The following AGMO variants were observed in gnomAD, a reference collection of about 807,000 sequenced individuals.
AGMO encodes the protein glyceryl-ether monooxygenase.
Under a neutral mutation model 60.2 loss-of-function variants are expected in AGMO, and 75 were observed. The observed-to-expected ratio is 1.25, with a 90% CI of 1.03 to 1.51. The LOEUF (loss-of-function observed/expected upper bound fraction) is 1.51. Ranked by LOEUF, AGMO falls within the 40% of genes most tolerant of loss-of-function variation. AGMO has a pLI of 0.00. For missense variants in AGMO, 763 were observed against 525.5 expected (o/e 1.45, Z -4.42); for synonymous variants, 261 against 177.1 (o/e 1.47, Z -3.76).
chr7:15,430,988 C>A lies in AGMO; in HGVS notation c.513+17G>T. ...ACAAATTAGATTACCATGTTTATTC[C>A]ATTTCATACAACTTACCCAGGAAGT... On this transcript the variant is annotated intron_variant, in intron 4 of 12. Coordinates refer to ENST00000342526, the MANE Select transcript of AGMO (RefSeq NM_001004320.2). 7.2e-7 allele frequency: 1 copy of A among 1,395,724 alleles called. No homozygotes were observed. Among genetic ancestry groups the A allele is most frequent in the Non-Finnish European group, 9.8e-7 (1 of 1,017,640 alleles). 86.5% of individuals were successfully genotyped at this position (1,395,724 alleles called of 1,614,324 possible). A position where few individuals can be genotyped will look rare whatever the true frequency, so the allele number is the denominator to read the frequency against.
chr7:15,212,537 T>C (rs1341576063), intron 12 of AGMO, among the ~76,000 whole-genome samples: 1 of 151,884 alleles, frequency 6.6e-6, no homozygotes, highest in African/African-American at 2.4e-5. Context: ...TGTCATTCAA[T>C]GAAAAAAGAA....
intron 3 of AGMO, among the ~76,000 whole-genome samples, chr7:15,493,318 G>A (rs1416107389): frequency 1.6e-5 from 2 of 128,178 alleles, no homozygotes; most frequent in South Asian, 2.4e-4. Context: ...GGACACACAC[G>A]CGCACAAACA....
the AGMO span, among the ~76,000 whole-genome samples, chr7:15,129,181 G>A: frequency 1.3e-5 from 2 of 152,198 alleles, no homozygotes; most frequent in Non-Finnish European, 2.9e-5. Flanking sequence ...TGCTACATAA[G>A]TGTGGTTTGA....
intron 10 of AGMO, among the ~76,000 whole-genome samples, chr7:15,372,640 A>G (rs1469485261): frequency 6.6e-6 from 1 of 152,194 alleles, no homozygotes. Flanking sequence ...AAAAGAAAAA[A>G]AAATAGAATT....
intron 12 of AGMO, among the ~76,000 whole-genome samples, chr7:15,354,444 A>ACG (rs1782416738): frequency 6.2e-4 from 10 of 16,144 alleles, no homozygotes; most frequent in Non-Finnish European, 9.1e-4. Context: ...GTGTATACAC[A>ACG]CGTGTGTGTA....
At chr7:15,372,410 C>T (rs1783256730) in intron 10 of AGMO, among the ~76,000 whole-genome samples, 1 of 152,156 alleles carries the variant, frequency 6.6e-6, no homozygotes, top group Non-Finnish European at 1.5e-5. Context: ...GAGGCAAGAT[C>T]ATGCCATTGC....
chr7:15,461,343 C>A (rs943957199), intron 3 of AGMO, among the ~76,000 whole-genome samples: 5 of 150,232 alleles, frequency 3.3e-5, no homozygotes, highest in Admixed American at 6.6e-5. Flanking sequence ...AAAAAAAAAA[C>A]CATGATAAAT....
intron 2 of AGMO, among the ~76,000 whole-genome samples, chr7:15,548,838 A>G (rs1361815560): frequency 6.6e-6 from 1 of 152,108 alleles, no homozygotes; most frequent in African/African-American, 2.4e-5. Context: ...ACTCCTCGAG[A>G]AGGGCAACTC....
At chr7:15,263,320 G>GA (rs1162557063) in intron 12 of AGMO, among the ~76,000 whole-genome samples, 4 of 151,210 alleles carry the variant, frequency 2.6e-5, no homozygotes, top group East Asian at 3.9e-4. Flanking sequence ...CAAACATATA[G>GA]AAAAAAAATG....
intron 3 of AGMO, among the ~76,000 whole-genome samples, chr7:15,474,956 G>A (rs1192533461): frequency 2.6e-5 from 4 of 151,962 alleles, no homozygotes. Flanking sequence ...CATCATCCCT[G>A]GTCATTAGAA....
At chr7:15,242,312 A>G (rs1449284376) in intron 12 of AGMO, among the ~76,000 whole-genome samples, 2 of 152,212 alleles carry the variant, frequency 1.3e-5, no homozygotes, top group African/African-American at 4.8e-5. Flanking sequence ...AAGATCATCT[A>G]GTTAATGGAT....
chr7:15,292,606 TAA>T (rs1343802319), intron 12 of AGMO, among the ~76,000 whole-genome samples: 1 of 152,062 alleles, frequency 6.6e-6, no homozygotes, highest in African/African-American at 2.4e-5. Context: ...CACTTGTTTA[TAA>T]AATATTATTT....
chr7:15,450,970 CTGT>C, intron 3 of AGMO, among the ~76,000 whole-genome samples: 1 of 152,144 alleles, frequency 6.6e-6, no homozygotes, highest in East Asian at 1.9e-4. Flanking sequence ...ATTATGCTAA[CTGT>C]TGTTAATGAT....
chr7:15,241,227 G>A (rs192093106), intron 12 of AGMO, among the ~76,000 whole-genome samples: 2,260 of 151,820 alleles, frequency 0.015, 68 homozygotes, highest in African/African-American at 0.053. Context: ...TTGGGAGGCC[G>A]AGGCGGGCGG....
chr7:15,451,698 G>A (rs533748083), intron 3 of AGMO, among the ~76,000 whole-genome samples: 12 of 152,044 alleles, frequency 7.9e-5, no homozygotes, highest in African/African-American at 2.4e-4. Context: ...GAAAAACTTC[G>A]GCCGAATTAA....
intron 3 of AGMO, among the ~76,000 whole-genome samples, chr7:15,470,791 C>G (rs188373498): frequency 3.3e-5 from 5 of 151,914 alleles, no homozygotes; most frequent in African/African-American, 9.6e-5. Flanking sequence ...TTTCACTGTT[C>G]TTTGTTAGAA....
At chr7:15,223,370 T>C (rs990243228) in intron 12 of AGMO, among the ~76,000 whole-genome samples, 2 of 151,968 alleles carry the variant, frequency 1.3e-5, no homozygotes, top group African/African-American at 4.8e-5. Flanking sequence ...ATCATTGCAT[T>C]ATATTGAAAT....
chr7:15,544,727 C>T lies in AGMO; in HGVS notation c.409+45G>A, dbSNP rs747956095. On this transcript the variant is annotated intron_variant, in intron 3 of 12. Transcript: ENST00000342526. ...TACTGAATATGTACTATGTACCAAA[C>T]ACAGTTCAACATAAGTTAACAAAAA... is the stretch of plus-strand genomic sequence containing the variant. 4 of 1,476,696 alleles carry T rather than the reference C, an allele frequency of 2.7e-6. No individual in the cohort carries two copies. In the East Asian group the frequency reaches 9.7e-5, roughly 36 times the overall value. 91.5% of individuals were successfully genotyped at this position (1,476,696 alleles called of 1,614,324 possible). A position where few individuals can be genotyped will look rare whatever the true frequency, so the allele number is the denominator to read the frequency against.
At chr7:15,248,216 ATATATAT>A (rs1393881971) in intron 12 of AGMO, among the ~76,000 whole-genome samples, 28 of 107,722 alleles carry the variant, frequency 2.6e-4, no homozygotes, top group Admixed American at 1.8e-3. Context: ...ATATATATAT[ATATATAT>A]ATCTTCATCT....
Sources: gnomAD v4.1 joint callset for allele counts (sites outside exome capture counted in the v4.1 genomes callset) on GRCh38, gnomAD v4.1.1 for gene constraint, MANE v1.5 for transcripts, NCBI Gene and HGNC (gene_info 2026-07-23, HGNC 2026-07-21) for gene names.